BRMS1: variants seen among roughly 807,000 people sequenced by gnomAD.
BRMS1 encodes breast cancer metastasis-suppressor 1.
Under a neutral mutation model 40.4 loss-of-function variants are expected in BRMS1, and 26 were observed. The observed-to-expected ratio is 0.64, with a 90% CI of 0.47 to 0.89. The LOEUF (loss-of-function observed/expected upper bound fraction) is 0.89. Among genes scored for constraint, BRMS1 ranks in the 40% least tolerant of loss-of-function variants. The pLI, the probability that BRMS1 is intolerant of heterozygous loss-of-function variation, is 0.00. For synonymous variants in BRMS1, 103 were observed against 116.0 expected, an observed-to-expected ratio of 0.89 and a Z score of 0.72; for missense variants, 289 against 309.4, an observed-to-expected ratio of 0.93 and a Z score of 0.49.
chr11:66,341,505 A>G lies in BRMS1; in HGVS notation c.230+28T>C, dbSNP rs1252697147. The stretch of plus-strand genomic sequence containing the variant: ...ACCTCCTCATCCCAGATCCTCGCAG[A>G]CCCAGCCCAAGGTGTCCCCACGCTC... On this transcript the variant is annotated intron_variant, in intron 3 of 9. Transcript: ENST00000359957. The surrounding 1 kb of genome is among the most constrained non-coding windows in gnomAD (Gnocchi z 4.9). 6.2e-7 allele frequency: 1 copy of G among 1,612,402 alleles called. No individual in the cohort carries two copies. Among genetic ancestry groups the G allele is most frequent in the Non-Finnish European group, 8.5e-7 (1 of 1,178,626 alleles).
intron 1 of BRMS1, among the ~76,000 whole-genome samples, chr11:66,344,403 G>C (rs942484980): frequency 6.6e-6 from 1 of 152,126 alleles, no homozygotes. Context: ...GACTTGAAAG[G>C]CTCGGTTCTC....
At chr11:66,337,927 A>G (rs747444239) in intron 9 of BRMS1, 38 bp from the exon 10 acceptor site, 6 of 1,590,318 alleles carry the variant, frequency 3.8e-6, no homozygotes, top group Non-Finnish European at 5.2e-6. Context: ...GTCACCAGTT[A>G]GGAAGCTGAA....
chr11:66,343,002 T>C lies in BRMS1; in HGVS notation c.-7-761A>G, dbSNP rs1855120781. On this transcript the variant is annotated intron_variant, in intron 1 of 9. Transcript: ENST00000359957. ...CATCAGTGCTCCCCTCTCTTTTCTG[T>C]GTCTTCAGCTTCTAACTCTTAGCAA... Among the ~76,000 whole-genome samples, 3 of 152,378 alleles carry C rather than the reference T, an allele frequency of 2.0e-5. No individual in the cohort carries two copies. In the South Asian group the frequency reaches 6.2e-4, roughly 32 times the overall value.
At chr11:66,338,396 G>T in intron 8 of BRMS1, 114 bp from the exon 9 acceptor site, 1 of 1,532,500 alleles carries the variant, frequency 6.5e-7, no homozygotes, top group South Asian at 1.2e-5. Flanking sequence ...GTGCCCCCAG[G>T]ACCGGGAGCA....
At position 66,342,157 on chromosome 11, in the gene BRMS1, C is replaced by T. The variant is rs1279229933; in HGVS notation, c.78G>A (p.Glu26=). The change falls in exon 2 of 10, where the codon GAG becomes GAA. Residue 26 remains glutamate, a synonymous_variant. Transcript: ENST00000359957. ...TCCGCTCCTCCTCACTCTCTTCCTCCTCCCCATTCATCTCAGCAGCAGAAT... is the reference window on the plus strand; with the variant it reads ...TCCGCTCCTCCTCACTCTCTTCCTCTTCCCCATTCATCTCAGCAGCAGAAT... ...EGDSAAEMNG[E]EEESEEERSG... 6.2e-7 allele frequency: 1 copy of T among 1,613,782 alleles called. No individual in the cohort carries two copies. Among genetic ancestry groups the T allele is most frequent in the African/African-American group, 1.3e-5 (1 of 74,846 alleles).
intron 1 of BRMS1, 47 bp from the exon 2 acceptor site, chr11:66,342,288 A>G (rs1254142616): frequency 1.3e-6 from 2 of 1,599,428 alleles, no homozygotes; most frequent in East Asian, 2.2e-5. Context: ...CACAGCTCAG[A>G]GGGGGAAAGA....
At position 66,337,438 on chromosome 11, in the gene BRMS1, C is replaced by A. The variant is rs1172402555; in HGVS notation, c.*444G>T. On this transcript the variant is annotated 3_prime_UTR_variant, in exon 10 of 10. Coordinates refer to ENST00000359957, the MANE Select transcript of BRMS1 (RefSeq NM_015399.4). ...GGGGCCTGGCATCTTGCCTCCAGAT[C>A]CAGCCAGGGTGGACAGACCCCCAGA... 3.3e-5 allele frequency: 17 copies of A among 509,406 alleles called. No individual in the cohort carries two copies. Among genetic ancestry groups the A allele is most frequent in the Non-Finnish European group, 5.3e-5 (15 of 284,500 alleles). The allele number at this position is 509,406 out of a possible 1,614,324, so 31.6% of individuals were successfully genotyped here.
rs1854962180 is a variant in BRMS1, at chr11:66,337,840, TG to T, written c.*41del. ...AGGAAGACGAGAATCCTGGGTGCAG[TG>T]CCAGCTGCTCTGAGGGTCCCCCTGG... On this transcript the variant is annotated 3_prime_UTR_variant, in exon 10 of 10. Transcript: ENST00000359957. 1.2e-6 allele frequency: 2 copies of T among 1,614,182 alleles called. No homozygotes were observed. Among genetic ancestry groups the T allele is most frequent in the Non-Finnish European group, 8.5e-7 (1 of 1,180,026 alleles).
In BRMS1 at chr11:66,338,292, TGAG is replaced by T; in HGVS notation, c.694-13_694-11del. The T allele has an allele frequency of 1.2e-6, 2 of 1,607,034 alleles. No individual in the cohort carries two copies. Among genetic ancestry groups the T allele is most frequent in the Non-Finnish European group, 1.7e-6 (2 of 1,176,486 alleles). On this transcript the variant is annotated splice_polypyrimidine_tract_variant and intron_variant, in intron 8 of 9. Transcript: ENST00000359957. ...ACACAGCTGCCCTAGCCTGGGTGGGTGAGAAGAAAAGCTCCCCTGAGAGCCCAC... is the reference window on the plus strand; with the variant it reads ...ACACAGCTGCCCTAGCCTGGGTGGGTAAGAAAAGCTCCCCTGAGAGCCCAC...
chr11:66,344,363 C>T (rs1855155751), intron 1 of BRMS1, among the ~76,000 whole-genome samples: 2 of 152,262 alleles, frequency 1.3e-5, no homozygotes, highest in African/African-American at 4.8e-5. Context: ...TAGTCATATT[C>T]CTCAACAATT....
intron 7 of BRMS1, among the ~76,000 whole-genome samples, chr11:66,339,540 AGAG>A (rs1855018026): frequency 6.6e-6 from 1 of 152,200 alleles, no homozygotes; most frequent in African/African-American, 2.4e-5. Flanking sequence ...AGGACTTCCA[AGAG>A]GAGGGTGGGA....
chr11:66,339,961 G>A, intron 7 of BRMS1, 160 bp downstream of exon 7: 1 of 599,378 alleles, frequency 1.7e-6, no homozygotes, highest in East Asian at 2.8e-5. Context: ...GTAAGAAACT[G>A]CTGACAGCTG....
chr11:66,341,903 CTG>C lies in BRMS1; in HGVS notation c.139+191_139+192del, dbSNP rs1472386419. 1.3e-5 allele frequency: 8 copies of C among 637,682 alleles called. No individual in the cohort carries two copies. The highest frequency in any genetic ancestry group is 6.2e-5 in the East Asian group (2 of 32,298). 39.5% of individuals were successfully genotyped at this position (637,682 alleles called of 1,614,324 possible). ...GTGCATACGTGCTTGTGTGTAGGGG[CTG>C]TGTGTGCGTGCTTGTGTGTAGGGGC... On this transcript the variant is annotated intron_variant, in intron 2 of 9. Coordinates refer to ENST00000359957, the MANE Select transcript of BRMS1 (RefSeq NM_015399.4). The surrounding 1 kb of genome is among the most constrained non-coding windows in gnomAD (Gnocchi z 4.9).
chr11:66,342,743 C>G (rs1001721048), intron 1 of BRMS1, among the ~76,000 whole-genome samples: 58 of 152,342 alleles, frequency 3.8e-4, no homozygotes, highest in African/African-American at 1.4e-3. Context: ...ACCTAAATTT[C>G]TAACTGGGGC....
chr11:66,343,859 G>A (rs1232780422), intron 1 of BRMS1, among the ~76,000 whole-genome samples: 1 of 8,158 alleles, frequency 1.2e-4, no homozygotes, highest in Non-Finnish European at 9.8e-3. Flanking sequence ...CGAAGTGGTG[G>A]AGAAAGAGTT....
chr11:66,339,497 G>A (rs964521900), intron 7 of BRMS1, among the ~76,000 whole-genome samples: 2 of 152,230 alleles, frequency 1.3e-5, no homozygotes, highest in Admixed American at 6.5e-5. Flanking sequence ...AGGAGGTAAC[G>A]TTTGAGATGA....
Position 66,341,285 on chromosome 11 carries a change from C to T in BRMS1, c.279G>A (p.Val93=), listed in dbSNP as rs750862445. ...TGTATTCAGGGGCTCTCTCAGCCCC[C>T]ACTTCCTCCAGCCGCAACCGCAGCT... ...LSQLRLRLEE[V]GAERAPEYTE... Residue 93 remains valine (V), a synonymous_variant, in exon 4 of 10, where the codon GTG becomes GTA. Transcript: ENST00000359957. The surrounding 1 kb of genome is among the most constrained non-coding windows in gnomAD (Gnocchi z 4.9). 6.2e-7 allele frequency: 1 copy of T among 1,613,636 alleles called. No individual in the cohort carries two copies. Among genetic ancestry groups the T allele is most frequent in the Admixed American group, 1.7e-5 (1 of 60,010 alleles).
intron 8 of BRMS1, 51 bp downstream of exon 8, chr11:66,338,670 G>A (rs1489303033): frequency 6.2e-7 from 1 of 1,613,414 alleles, no homozygotes; most frequent in Admixed American, 1.7e-5. Flanking sequence ...CTGCTGCCAG[G>A]GTGGGGGGCC....
rs1388992900 is a variant in BRMS1, at chr11:66,337,664, C to A, written c.*218G>T. The A allele has an allele frequency of 6.4e-7, 1 of 1,552,782 alleles. No homozygotes were observed. The highest frequency in any genetic ancestry group is 8.7e-7 in the Non-Finnish European group (1 of 1,148,304). On this transcript the variant is annotated 3_prime_UTR_variant, in exon 10 of 10. Transcript: ENST00000359957. The stretch of plus-strand genomic sequence containing the variant: ...GATGGAGACAGCAGCCTTGCCTGGT[C>A]AGGTCAGCTCCACGGCCACAGCTGT...
Sources: gnomAD v4.1 joint callset for allele counts (sites outside exome capture counted in the v4.1 genomes callset) on GRCh38, gnomAD v4.1.1 for gene constraint, Gnocchi (gnomAD v3.1) non-coding constraint, MANE v1.5 for transcripts, NCBI Gene and HGNC (gene_info 2026-07-23, HGNC 2026-07-21) for gene names.